ITPA: variants seen among roughly 807,000 people sequenced by gnomAD.
ITPA encodes inosine triphosphate pyrophosphatase.
Under a neutral mutation model 29.6 loss-of-function variants are expected in ITPA, and 29 were observed. That is an observed-to-expected ratio of 0.98 (90% CI 0.73 to 1.34). The LOEUF is 1.34. ITPA is among the 40% of genes most tolerant of loss of function. ITPA has a pLI of 0.00. For synonymous variants in ITPA, 103 were observed against 99.3 expected (o/e 1.04, Z -0.22); for missense variants, 241 against 251.5 (o/e 0.96, Z 0.28).
At chr20:3,217,201 TTTACA>T (rs1465960723) in intron 5 of ITPA, among the ~76,000 whole-genome samples, 1 of 152,170 alleles carries the variant, frequency 6.6e-6, no homozygotes, top group East Asian at 1.9e-4. Flanking sequence ...TTAAAAACAC[TTTACA>T]TTATAGAGCA....
At chr20:3,221,727 C>A in intron 6 of ITPA, 114 bp from the exon 7 acceptor site, 1 of 954,404 alleles carries the variant, frequency 1.0e-6, no homozygotes, top group Non-Finnish European at 1.7e-6. Flanking sequence ...CTACATTTTG[C>A]GTAAGTTGGG....
At chr20:3,226,565 ACTC>A (rs2122477411), downstream of ITPA, among the ~76,000 whole-genome samples, 1 of 150,990 alleles carries the variant, frequency 6.6e-6, no homozygotes, top group African/African-American at 2.4e-5. The surrounding 1 kb of genome is among the most constrained non-coding windows in gnomAD (Gnocchi z 4.4). Flanking sequence ...ACCTCTCGCT[ACTC>A]CTGTTACGGT....
At chr20:3,218,657 C>T (rs1457795103) in intron 6 of ITPA, 25 bp downstream of exon 6, 1 of 1,572,580 alleles carries the variant, frequency 6.4e-7, no homozygotes, top group East Asian at 2.2e-5. Context: ...TGATGCAGTT[C>T]CCGCCGCGCG....
chr20:3,223,538 C>A lies in ITPA; in HGVS notation c.*76C>A. ...CCCAAAACCTCCCGCATCGGGCAGG[C>A]ACCCCCTGAAGTACTTCCTTCAGGG... On this transcript the variant is annotated 3_prime_UTR_variant, in exon 8 of 8. Coordinates refer to ENST00000380113, the MANE Select transcript of ITPA (RefSeq NM_033453.4). The A allele has an allele frequency of 1.8e-6, 2 of 1,138,908 alleles. No homozygotes were observed. Among genetic ancestry groups the A allele is most frequent in the Non-Finnish European group, 2.6e-6 (2 of 773,968 alleles). The allele number at this position is 1,138,908 out of a possible 1,614,324, so 70.6% of individuals were successfully genotyped here.
Position 3,222,024 on chromosome 20 carries a change from G to A in ITPA, c.488+107G>A, listed in dbSNP as rs1600536552. The A allele has an allele frequency of 7.5e-6, 8 of 1,070,866 alleles. No individual in the cohort carries two copies. The East Asian group carries it at 2.0e-4, about 26-fold the overall frequency. The allele number at this position is 1,070,866 out of a possible 1,614,324, so 66.3% of individuals were successfully genotyped here. A position where few individuals can be genotyped will look rare whatever the true frequency, so the allele number is the denominator to read the frequency against. ...CAGGCATGCGGATATGGGCAGGGGA[G>A]GCTCCCAGGGTGCTGTTCCAGCCAC... On this transcript the variant is annotated intron_variant, in intron 7 of 7. Transcript: ENST00000380113.
chr20:3,218,549 A>G lies in ITPA; in HGVS notation c.328A>G (p.Lys110Glu). ...LHQLLAGFED[K>E]SAYALCTFAL... ...CCAGCTCCTGGCCGGGTTCGAGGAC[A>G]AGTCAGCCTATGCGCTCTGCACGTT... Residue 110 changes from lysine to glutamate, a missense_variant, in exon 6 of 8, where the codon AAG (lysine) becomes GAG (glutamate). By Grantham distance (56) the Lys-to-Glu change is moderately conservative. Transcript: ENST00000380113. The G allele has an allele frequency of 6.2e-7, 1 of 1,613,944 alleles. No individual in the cohort carries two copies. Among genetic ancestry groups the G allele is most frequent in the Non-Finnish European group, 8.5e-7 (1 of 1,180,020 alleles).
At chr20:3,222,673 T>C (rs2122452053) in intron 7 of ITPA, among the ~76,000 whole-genome samples, 1 of 152,298 alleles carries the variant, frequency 6.6e-6, no homozygotes, top group Non-Finnish European at 1.5e-5. Context: ...CGGGCCATTG[T>C]TGGAATCAGG....
chr20:3,207,929 A>T (rs2067091625), upstream of ITPA, among the ~76,000 whole-genome samples: 1 of 148,002 alleles, frequency 6.8e-6, no homozygotes, highest in Non-Finnish European at 1.5e-5. Context: ...CAGGAGACAG[A>T]GGTTGCAGTG....
Position 3,223,403 on chromosome 20 carries a change from T to G in ITPA, c.526T>G (p.Ser176Ala), listed in dbSNP as rs959247434. 1 of 1,613,906 alleles carries G rather than the reference T, an allele frequency of 6.2e-7. No individual in the cohort carries two copies. The highest frequency in any genetic ancestry group is 2.2e-5 in the East Asian group (1 of 44,880). The change falls in exon 8 of 8, where the codon TCC becomes GCC. Residue 176 changes from serine (S) to alanine (A), a missense_variant. Physicochemically the swap from Ser to Ala is moderately conservative, Grantham distance 99. Coordinates refer to ENST00000380113, the MANE Select transcript of ITPA (RefSeq NM_033453.4). ...GCCTAAGGCGGAGAAGAACGCTGTC[T>G]CCCATCGCTTCCGGGCCCTGCTGGA... ...EMPKAEKNAV[S>A]HRFRALLELQ...
intron 1 of ITPA, among the ~76,000 whole-genome samples, chr20:3,211,796 G>A (rs1276586000): frequency 3.3e-5 from 5 of 152,054 alleles, no homozygotes; most frequent in Admixed American, 2.6e-4. Context: ...CTGGCCGAAC[G>A]GGTAGTCTTA....
At chr20:3,223,147 C>T (rs1568521061) in intron 7 of ITPA, among the ~76,000 whole-genome samples, 2 of 152,214 alleles carry the variant, frequency 1.3e-5, no homozygotes, top group Non-Finnish European at 2.9e-5. Context: ...AAGTTTAATA[C>T]CCCTCCATGC....
upstream of ITPA, among the ~76,000 whole-genome samples, chr20:3,204,917 C>T (rs2067060393): frequency 6.6e-6 from 1 of 151,578 alleles, no homozygotes; most frequent in Non-Finnish European, 1.5e-5. Context: ...GTGGTGCGAT[C>T]TCGGCTCACT....
intron 6 of ITPA, among the ~76,000 whole-genome samples, chr20:3,221,226 T>C (rs1192916584): frequency 6.6e-6 from 1 of 151,666 alleles, no homozygotes; most frequent in Non-Finnish European, 1.5e-5. Context: ...TTTTTTTTTT[T>C]ACTTTGATAA....
At chr20:3,212,600 C>T (rs745389752) in intron 1 of ITPA, among the ~76,000 whole-genome samples, 3 of 152,056 alleles carry the variant, frequency 2.0e-5, no homozygotes, top group Admixed American at 6.6e-5. Context: ...AGATTACAGG[C>T]GTGAGCCACA....
chr20:3,217,948 C>CGCTCT (rs1280789456), intron 5 of ITPA, among the ~76,000 whole-genome samples: 1 of 145,984 alleles, frequency 6.9e-6, no homozygotes, highest in Non-Finnish European at 1.5e-5. Context: ...GATGGAGTCT[C>CGCTCT]GCTCTGTCGC....
chr20:3,211,076 A>AAG (rs1555773026), intron 1 of ITPA, among the ~76,000 whole-genome samples: 100 of 145,032 alleles, frequency 6.9e-4, no homozygotes, highest in African/African-American at 2.5e-3. Flanking sequence ...AAAAAAAAAA[A>AAG]AAGAAGAAGA....
intron 5 of ITPA, among the ~76,000 whole-genome samples, chr20:3,217,865 TTG>T (rs1348893451): frequency 1.3e-5 from 2 of 152,102 alleles, no homozygotes; most frequent in African/African-American, 4.8e-5. Flanking sequence ...ATTTCCTTGG[TTG>T]TAGAAAAAGT....
chr20:3,204,445 G>T, upstream of ITPA: 6 of 1,335,500 alleles, frequency 4.5e-6, no homozygotes, highest in Non-Finnish European at 6.1e-6. Flanking sequence ...GCCCAGGTGC[G>T]CACGCGCAGG....
At chr20:3,216,576 C>T (rs2067306293) in intron 5 of ITPA, among the ~76,000 whole-genome samples, 1 of 151,662 alleles carries the variant, frequency 6.6e-6, no homozygotes, top group Non-Finnish European at 1.5e-5. Flanking sequence ...GCCTCAGCCT[C>T]CCTAGTAGCT....
Sources: allele counts gnomAD v4.1 joint callset (sites outside exome capture counted in the v4.1 genomes callset), GRCh38; gene constraint gnomAD v4.1.1; non-coding constraint Gnocchi (gnomAD v3.1); transcripts MANE v1.5; gene names NCBI Gene and HGNC (gene_info 2026-07-23, HGNC 2026-07-21).